The following BRWD1 variants were observed in gnomAD, a reference collection of about 807,000 sequenced individuals.
BRWD1 encodes bromodomain and WD repeat domain containing 1, also known as bromodomain and WD repeat-containing protein 1.
A neutral mutation model predicts 251.2 loss-of-function variants in BRWD1; 82 were observed. The ratio of observed to expected loss-of-function variants is 0.33; its 90% CI spans 0.27 to 0.39. The LOEUF (loss-of-function observed/expected upper bound fraction) is 0.39. Among genes scored for constraint, BRWD1 ranks in the 10% least tolerant of loss-of-function variants. The pLI is 1.00. For synonymous variants in BRWD1, 918 were observed against 902.8 expected (o/e 1.02, Z -0.30); for missense variants, 2,233 against 2,711.6 (o/e 0.82, Z 3.92).
At chr21:39,251,835 C>CAT (rs1470585964) in intron 19 of BRWD1, among the ~76,000 whole-genome samples, 5 of 152,156 alleles carry the variant, frequency 3.3e-5, no homozygotes, top group African/African-American at 1.2e-4. Flanking sequence ...TAAAGCAATA[C>CAT]ATACAATTGA....
At chr21:39,240,884 C>T (rs2033965042) in intron 21 of BRWD1, among the ~76,000 whole-genome samples, 1 of 150,504 alleles carries the variant, frequency 6.6e-6, no homozygotes, top group South Asian at 2.1e-4. Flanking sequence ...GGGTTTTTAC[C>T]ACAGGGTAAG....
At chr21:39,299,201 C>T (rs1239427059) in intron 4 of BRWD1, among the ~76,000 whole-genome samples, 2 of 146,250 alleles carry the variant, frequency 1.4e-5, no homozygotes, top group Admixed American at 1.4e-4. Flanking sequence ...CTAGCCTGGG[C>T]AACAAGAAAA....
intron 25 of BRWD1, among the ~76,000 whole-genome samples, chr21:39,229,849 T>A: frequency 6.6e-6 from 1 of 152,106 alleles, no homozygotes; most frequent in Non-Finnish European, 1.5e-5. Context: ...TCCTCCCACA[T>A]CAGCTTCCCG....
chr21:39,278,724 A>C lies in BRWD1; in HGVS notation c.1003+19T>G. On this transcript the variant is annotated intron_variant, in intron 10 of 40. Transcript: ENST00000342449. Reference sequence around the variant, plus strand: ...TTTAAAAAAAAAAAACTAAGAAAAAAATGTGAAGAAGTTCTTACCAACACT... The same window carrying C: ...TTTAAAAAAAAAAAACTAAGAAAAACATGTGAAGAAGTTCTTACCAACACT... 1 of 1,554,558 alleles carries C rather than the reference A, an allele frequency of 6.4e-7. No individual in the cohort carries two copies. The highest frequency in any genetic ancestry group is 2.3e-5 in the East Asian group (1 of 44,158).
At chr21:39,283,213 A>C (rs1332698568) in intron 8 of BRWD1, among the ~76,000 whole-genome samples, 1 of 152,160 alleles carries the variant, frequency 6.6e-6, no homozygotes, top group East Asian at 1.9e-4. Flanking sequence ...TTCTCTTTTA[A>C]ATGAGCTTGA....
chr21:39,230,807 T>TAA lies in BRWD1; in HGVS notation c.3000+1368_3000+1369dup, dbSNP rs554938911. Among the ~76,000 whole-genome samples, 551 of 139,892 alleles carry TAA rather than the reference T, an allele frequency of 3.9e-3. 5 individuals are homozygous for TAA. The highest frequency in any genetic ancestry group is 0.014 in the African/African-American group (540 of 38,086). The allele number at this position is 139,892 out of a possible 152,430, so 91.8% of individuals were successfully genotyped here. A position where few individuals can be genotyped will look rare whatever the true frequency, so the allele number is the denominator to read the frequency against. ...GACACTTGTTTGCAGTGCGAGAGCT[T>TAA]AAAAAAAAAAAAAGGCAGAGCAACA... On this transcript the variant is annotated intron_variant, in intron 25 of 40. Coordinates refer to ENST00000342449, the MANE Select transcript of BRWD1 (RefSeq NM_033656.4).
At chr21:39,255,918 G>A (rs1568921567) in intron 18 of BRWD1, 90 bp from the exon 19 acceptor site, 10 of 1,143,566 alleles carry the variant, frequency 8.7e-6, no homozygotes, top group African/African-American at 1.6e-5. Context: ...CCTAAGATGC[G>A]CACCAAAAAT....
chr21:39,272,241 T>G, intron 13 of BRWD1, among the ~76,000 whole-genome samples: 1 of 150,550 alleles, frequency 6.6e-6, no homozygotes, highest in Admixed American at 6.6e-5. Flanking sequence ...AAGACCATCC[T>G]GGTTGCACAT....
At chr21:39,229,494 T>C in intron 25 of BRWD1, 58 bp from the exon 26 acceptor site, 1 of 1,468,528 alleles carries the variant, frequency 6.8e-7, no homozygotes, top group Non-Finnish European at 9.4e-7. Flanking sequence ...ATACTATAAT[T>C]CTCCACATAC....
At position 39,195,830 on chromosome 21, in the gene BRWD1, A is replaced by C; in HGVS notation, c.*429T>G. On this transcript the variant is annotated 3_prime_UTR_variant, in exon 41 of 41. Transcript: ENST00000342449. ...TGTCAGTATGCATGTATTTATGAAGAATCTGTAAACATAGGTTGTGAAATT... is the reference window on the plus strand; with the variant it reads ...TGTCAGTATGCATGTATTTATGAAGCATCTGTAAACATAGGTTGTGAAATT... 1.0e-6 allele frequency: 1 copy of C among 988,066 alleles called. No homozygotes were observed. Among genetic ancestry groups the C allele is most frequent in the Non-Finnish European group, 1.2e-6 (1 of 831,734 alleles). The allele number at this position is 988,066 out of a possible 1,614,324, so 61.2% of individuals were successfully genotyped here. A position where few individuals can be genotyped will look rare whatever the true frequency, so the allele number is the denominator to read the frequency against.
At chr21:39,197,747 C>A (rs2031898746) in intron 40 of BRWD1, among the ~76,000 whole-genome samples, 1 of 152,184 alleles carries the variant, frequency 6.6e-6, no homozygotes, top group African/African-American at 2.4e-5. Context: ...CTGAATCCTG[C>A]AGGCAGTTGT....
chr21:39,204,914 T>C (rs1013370758), intron 37 of BRWD1, among the ~76,000 whole-genome samples: 1 of 152,136 alleles, frequency 6.6e-6, no homozygotes, highest in Non-Finnish European at 1.5e-5. Flanking sequence ...CACATCCTAC[T>C]GTGTGGCCCA....
At position 39,193,117 on chromosome 21, in the gene BRWD1, C is replaced by T. The variant is rs902869994; in HGVS notation, c.*3142G>A. On this transcript the variant is annotated 3_prime_UTR_variant, in exon 41 of 41. Transcript: ENST00000342449. ...TTTTATATTCCCCTTTTCCATTTGCCCTTCTGTTTTGAAGTGCTTTTTCTT... is the reference window on the plus strand; with the variant it reads ...TTTTATATTCCCCTTTTCCATTTGCTCTTCTGTTTTGAAGTGCTTTTTCTT... 1.4e-5 allele frequency: 14 copies of T among 984,860 alleles called. No individual in the cohort carries two copies. Among genetic ancestry groups the T allele is most frequent in the Non-Finnish European group, 1.7e-5 (14 of 829,666 alleles). 61.0% of individuals were successfully genotyped at this position (984,860 alleles called of 1,614,324 possible).
rs1295333853 is a variant in BRWD1 at position 39,293,833 on chromosome 21, G to A, written c.809C>T (p.Thr270Ile). The change falls in exon 8 of 41, where the codon ACA becomes ATA. Residue 270 changes from threonine to isoleucine, a missense_variant. By Grantham distance (89) the Thr-to-Ile change is moderately conservative. This residue lies in a region of BRWD1 where 185 missense variants were observed against 260.6 expected (regional missense o/e 0.71). Coordinates refer to ENST00000342449, the MANE Select transcript of BRWD1 (RefSeq NM_033656.4). ...TACCTGTAAAGATGTAATTGATCCT[G>A]TGTGTCCTTGGAGCACAGCAACTGG... Reference protein sequence around the residue: ...CAPVAVLQGHTGSITSLQFSP... With the variant: ...CAPVAVLQGHIGSITSLQFSP... 3 of 1,614,088 alleles carry A rather than the reference G, an allele frequency of 1.9e-6. No homozygotes were observed. In the South Asian group the frequency reaches 3.3e-5, roughly 18 times the overall value.
At chr21:39,229,696 T>C (rs2033531983) in intron 25 of BRWD1, among the ~76,000 whole-genome samples, 1 of 152,190 alleles carries the variant, frequency 6.6e-6, no homozygotes, top group South Asian at 2.1e-4. Flanking sequence ...ATTAGCGCAA[T>C]ATCTAACGAC....
chr21:39,266,073 G>A (rs1169215071), intron 15 of BRWD1, among the ~76,000 whole-genome samples: 3 of 152,054 alleles, frequency 2.0e-5, no homozygotes, highest in Non-Finnish European at 4.4e-5. Flanking sequence ...TTACGCGTTC[G>A]GTGTTGGAGA....
At chr21:39,291,228 T>C (rs1199397743) in intron 8 of BRWD1, among the ~76,000 whole-genome samples, 2 of 152,218 alleles carry the variant, frequency 1.3e-5, no homozygotes, top group East Asian at 3.8e-4. Context: ...ATCATAAAAT[T>C]TCACACCAAA....
chr21:39,235,304 T>G (rs1447639788), intron 23 of BRWD1: 1 of 152,202 alleles, frequency 6.6e-6, no homozygotes, highest in Non-Finnish European at 1.5e-5. Flanking sequence ...CTGCTTTGTT[T>G]TAAAACTGCA....
Position 39,313,615 on chromosome 21 carries a change from A to T in BRWD1, c.-124T>A, listed in dbSNP as rs1007231562. The T allele has an allele frequency of 3.2e-5, 24 of 739,546 alleles. No individual in the cohort carries two copies. Among genetic ancestry groups the T allele is most frequent in the Admixed American group, 3.0e-4 (6 of 20,132 alleles). The allele number at this position is 739,546 out of a possible 1,614,324, so 45.8% of individuals were successfully genotyped here. A position where few individuals can be genotyped will look rare whatever the true frequency, so the allele number is the denominator to read the frequency against. On this transcript the variant is annotated 5_prime_UTR_variant, in exon 1 of 41. The change abolishes an upstream ATG in the 5' untranslated region. Coordinates refer to ENST00000342449, the MANE Select transcript of BRWD1 (RefSeq NM_033656.4). ...CGCCGCCGCCGCCGCCGCCGCCGCC[A>T]TACCGTGCGCGCCGCCTGGACCGAC...
Sources: gnomAD v4.1 joint callset for allele counts (sites outside exome capture counted in the v4.1 genomes callset) on GRCh38, gnomAD v4.1.1 for gene constraint, gnomAD v4.1.1 regional missense constraint, MANE v1.5 for transcripts, NCBI Gene and HGNC (gene_info 2026-07-23, HGNC 2026-07-21) for gene names.